NUP153: variants seen among roughly 807,000 people sequenced by gnomAD.
NUP153 encodes nuclear pore complex protein Nup153.
Under a neutral mutation model 134.6 loss-of-function variants are expected in NUP153, and 27 were observed. The ratio of observed to expected loss-of-function variants is 0.20; its 90% CI spans 0.15 to 0.28. The LOEUF is 0.28. Among genes scored for constraint, NUP153 ranks in the 10% least tolerant of loss-of-function variants. The pLI is 1.00. For missense variants in NUP153, 1,821 were observed against 1,731.3 expected, an observed-to-expected ratio of 1.05 and a Z score of -0.92; for synonymous variants, 640 against 623.5, an observed-to-expected ratio of 1.03 and a Z score of -0.40.
intron 1 of NUP153, among the ~76,000 whole-genome samples, chr6:17,698,654 C>T (rs939875145): frequency 1.3e-5 from 2 of 149,754 alleles, no homozygotes; most frequent in African/African-American, 2.5e-5. Context: ...AGGAGAATGG[C>T]GTGAACCCGG....
intron 11 of NUP153, among the ~76,000 whole-genome samples, chr6:17,657,380 T>C: frequency 7.6e-6 from 1 of 131,996 alleles, no homozygotes; most frequent in South Asian, 2.2e-4. Flanking sequence ...CCGTCTCTAC[T>C]AAAATAAAAA....
chr6:17,675,404 C>A lies in NUP153; in HGVS notation c.584-36G>T. On this transcript the variant is annotated intron_variant, in intron 3 of 21. Transcript: ENST00000262077. This position sits in a 1 kb window ranked among gnomAD's most constrained non-coding sequence, Gnocchi z 4.4. ...ATTACATAATCCATAGTAATAACAC[C>A]AATACAAGAGCCTAGATTTTTATAA... is the stretch of plus-strand genomic sequence containing the variant. 1 of 1,595,776 alleles carries A rather than the reference C, an allele frequency of 6.3e-7. No individual in the cohort carries two copies. The highest frequency in any genetic ancestry group is 8.6e-7 in the Non-Finnish European group (1 of 1,169,292).
rs1302150776 is a variant in NUP153, at chr6:17,697,759, G to C, written c.111+8518C>G. ...CTATAACACTAACTCAGAAACAGCT[G>C]GGGTGGGGGAAGGCTATTCTATAAC... On this transcript the variant is annotated intron_variant, in intron 1 of 21. Coordinates refer to ENST00000262077, the MANE Select transcript of NUP153 (RefSeq NM_005124.4). 4.0e-5 allele frequency among the ~76,000 whole-genome samples: 6 copies of C among 151,362 alleles called. No individual in the cohort carries two copies. In the East Asian group the frequency reaches 1.2e-3, roughly 29 times the overall value.
chr6:17,619,159 A>G (rs1561848618), intron 20 of NUP153, among the ~76,000 whole-genome samples: 1 of 152,258 alleles, frequency 6.6e-6, no homozygotes, highest in South Asian at 2.1e-4. Flanking sequence ...TCAAGACTTC[A>G]GGCAACTCTG....
chr6:17,673,649 A>C (rs567582104), intron 5 of NUP153, among the ~76,000 whole-genome samples: 5 of 152,142 alleles, frequency 3.3e-5, no homozygotes, highest in Non-Finnish European at 7.4e-5. Context: ...TCAAAATCAG[A>C]AGTTGGGGTT....
Position 17,647,853 on chromosome 6 carries a change from G to C in NUP153, c.1586C>G (p.Ser529Cys). The change falls in exon 13 of 22, where the codon TCT (serine) becomes TGT (cysteine). Residue 529 changes from serine to cysteine, a missense_variant. Ser to Cys is a moderately radical substitution (Grantham distance 112). Transcript: ENST00000262077. ...STGSPMFKFS[S>C]PIVKSTEANV... ...TGCCTCAGTAGATTTTACGATTGGA[G>C]ATGAAAATTTAAACATGGGACTGCC... The C allele has an allele frequency of 6.2e-7, 1 of 1,613,504 alleles. No homozygotes were observed. Among genetic ancestry groups the C allele is most frequent in the Admixed American group, 1.7e-5 (1 of 60,024 alleles).
chr6:17,692,125 C>G (rs1769316355), intron 1 of NUP153, among the ~76,000 whole-genome samples: 1 of 152,196 alleles, frequency 6.6e-6, no homozygotes, highest in African/African-American at 2.4e-5. Flanking sequence ...ATAGATCCCT[C>G]ATGTGGCAAC....
intron 2 of NUP153, among the ~76,000 whole-genome samples, chr6:17,677,968 TA>T (rs1347985597): frequency 1.3e-5 from 2 of 151,282 alleles, no homozygotes; most frequent in Non-Finnish European, 2.9e-5. Flanking sequence ...CACATCCCCA[TA>T]ACTAATTACA....
chr6:17,674,738 C>T (rs982799981), intron 5 of NUP153, among the ~76,000 whole-genome samples, 167 bp downstream of exon 5: 4 of 152,042 alleles, frequency 2.6e-5, no homozygotes, highest in Non-Finnish European at 5.9e-5. Flanking sequence ...TGCCACCGCA[C>T]TCCAGCCTGG....
At chr6:17,635,893 T>C (rs1436408225) in intron 16 of NUP153, among the ~76,000 whole-genome samples, 2 of 152,278 alleles carry the variant, frequency 1.3e-5, no homozygotes, top group Non-Finnish European at 2.9e-5. Context: ...TGAGCTTCCT[T>C]TGTTCATGTG....
At chr6:17,690,301 G>GGGTGGCGTAGCTTGCAGTGAGCCA (rs1769200708) in intron 1 of NUP153, among the ~76,000 whole-genome samples, 1 of 102,106 alleles carries the variant, frequency 9.8e-6, no homozygotes, top group Non-Finnish European at 2.7e-5. Context: ...GCAGTGAGCC[G>GGGTGGCGTAGCTTGCAGTGAGCCA]AATGTGCAGT....
At chr6:17,655,058 C>G (rs1004031121) in intron 11 of NUP153, among the ~76,000 whole-genome samples, 1 of 152,204 alleles carries the variant, frequency 6.6e-6, no homozygotes, top group Non-Finnish European at 1.5e-5. Flanking sequence ...TCTCTCCAAA[C>G]TCAAGTCTTC....
rs1379872074 is a variant in NUP153, at chr6:17,675,311, C to T, written c.641G>A (p.Arg214His). The T allele has an allele frequency of 8.1e-6, 13 of 1,613,946 alleles. No individual in the cohort carries two copies. The highest frequency in any genetic ancestry group is 1.1e-5 in the South Asian group (1 of 91,074). Residue 214 changes from arginine (R) to histidine (H), a missense_variant, in exon 4 of 22, where the codon CGT becomes CAT. Physicochemically the swap from Arg to His is conservative, Grantham distance 29. Transcript: ENST00000262077. This position sits in a 1 kb window ranked among gnomAD's most constrained non-coding sequence, Gnocchi z 4.4. ...LPPLWSPEAE[R>H]SHSLSQHTAT... ...AGTGTGCTGTGAGAGTGAGTGAGAA[C>T]GTTCAGCTTCTGGGGACCACAGAGG...
Position 17,662,215 on chromosome 6 carries a change from C to G in NUP153, c.1216-145G>C, listed in dbSNP as rs1197583183. On this transcript the variant is annotated intron_variant, in intron 9 of 21. Transcript: ENST00000262077. ...GAATCCTGAAATTTGAAATTACACC[C>G]TGCCTTCTGAATGGTAACCAAGAGT... 3 of 696,292 alleles carry G rather than the reference C, an allele frequency of 4.3e-6. No individual in the cohort carries two copies. The Admixed American group carries it at 8.1e-5, about 19-fold the overall frequency. The allele number at this position is 696,292 out of a possible 1,614,324, so 43.1% of individuals were successfully genotyped here.
At position 17,675,968 on chromosome 6, in the gene NUP153, G is replaced by A. The variant is rs900100011; in HGVS notation, c.335-198C>T. On this transcript the variant is annotated intron_variant, in intron 2 of 21. Transcript: ENST00000262077. This position sits in a 1 kb window ranked among gnomAD's most constrained non-coding sequence, Gnocchi z 4.4. Reference sequence around the variant, plus strand: ...CTAACTAAAATTAATTTAAATAAGAGCTAATTTTTTTAAACCAGTAAGAGT... The same window carrying A: ...CTAACTAAAATTAATTTAAATAAGAACTAATTTTTTTAAACCAGTAAGAGT... Among the ~76,000 whole-genome samples the A allele has an allele frequency of 3.3e-5, 5 of 152,066 alleles. No homozygotes were observed.
At chr6:17,653,933 A>G (rs900629121) in intron 11 of NUP153, among the ~76,000 whole-genome samples, 1 of 152,238 alleles carries the variant, frequency 6.6e-6, no homozygotes, top group African/African-American at 2.4e-5. Context: ...ACTCTACTTC[A>G]CGCTATGTAT....
In NUP153 at chr6:17,628,878, C is replaced by A. The variant is rs762652151; in HGVS notation, c.3321G>T (p.Gln1107His). The change falls in exon 18 of 22, where the codon CAG (glutamine) becomes CAT (histidine). Residue 1107 changes from glutamine to histidine, a missense_variant. By Grantham distance (24) the Gln-to-His change is conservative. Coordinates refer to ENST00000262077, the MANE Select transcript of NUP153 (RefSeq NM_005124.4). The surrounding 1 kb of genome is among the most constrained non-coding windows in gnomAD (Gnocchi z 5.4). ...VFVLGRTEEKQQEPVTSTSLV... is the reference protein window; with the variant it reads ...VFVLGRTEEKHQEPVTSTSLV... ...GGGAAGTAGAAGTGACAGGCTCTTG[C>A]TGTTTCTCTTCTGTCCTTCCCAAAA... 2 of 1,614,102 alleles carry A rather than the reference C, an allele frequency of 1.2e-6. No individual in the cohort carries two copies. The highest frequency in any genetic ancestry group is 2.7e-5 in the African/African-American group (2 of 74,934).
At position 17,688,837 on chromosome 6, in the gene NUP153, C is replaced by T. The variant is rs188779801; in HGVS notation, c.112-219G>A. On this transcript the variant is annotated intron_variant, in intron 1 of 21. Transcript: ENST00000262077. ...ATGCATACATAAGGCAATAATTGTC[C>T]CAAATGGCTGCATTATTCTAATCCT... Among the ~76,000 whole-genome samples, 33 of 151,916 alleles carry T rather than the reference C, an allele frequency of 2.2e-4. No individual in the cohort carries two copies. In the East Asian group the frequency reaches 6.0e-3, roughly 28 times the overall value.
intron 11 of NUP153, among the ~76,000 whole-genome samples, chr6:17,653,802 G>A (rs530489155): frequency 2.6e-5 from 4 of 152,300 alleles, no homozygotes; most frequent in Middle Eastern, 3.4e-3. Flanking sequence ...TCAATCTCTT[G>A]ATAGGGCTTG....
Sources: allele counts gnomAD v4.1 joint callset (sites outside exome capture counted in the v4.1 genomes callset), GRCh38; gene constraint gnomAD v4.1.1; non-coding constraint Gnocchi (gnomAD v3.1); transcripts MANE v1.5; gene names NCBI Gene and HGNC (gene_info 2026-07-23, HGNC 2026-07-21).